The following MCC variants were observed in gnomAD, a reference collection of about 807,000 sequenced individuals.
MCC encodes colorectal mutant cancer protein.
In MCC, 90 loss-of-function variants were observed where a neutral mutation model predicts 116.2. The observed-to-expected ratio is 0.77, with a 90% CI of 0.65 to 0.92. MCC has a LOEUF of 0.92. MCC is among the 40% of genes least tolerant of loss of function. The pLI, the probability that MCC is intolerant of heterozygous loss-of-function variation, is 0.00. For missense variants in MCC, 1,516 were observed against 1,312.2 expected (o/e 1.16, Z -2.40); for synonymous variants, 578 against 510.5 (o/e 1.13, Z -1.78).
At chr5:113,487,507 G>A (rs1364314396) in intron 1 of MCC, among the ~76,000 whole-genome samples, 1 of 152,240 alleles carries the variant, frequency 6.6e-6, no homozygotes, top group Non-Finnish European at 1.5e-5. Flanking sequence ...CGCCTCTGTA[G>A]GAAGTGCGGG....
At chr5:113,261,956 TA>T (rs914706249) in intron 3 of MCC, among the ~76,000 whole-genome samples, 6 of 152,142 alleles carry the variant, frequency 3.9e-5, no homozygotes, top group East Asian at 3.9e-4. Flanking sequence ...ACATTATTAA[TA>T]AAAAAAATTC....
At chr5:113,188,455 G>T (rs1320449245) in intron 3 of MCC, among the ~76,000 whole-genome samples, 1 of 152,200 alleles carries the variant, frequency 6.6e-6, no homozygotes, top group Non-Finnish European at 1.5e-5. Context: ...GTGACTGCAG[G>T]GGTATGGCTG....
intron 2 of MCC, among the ~76,000 whole-genome samples, chr5:113,365,572 C>T (rs1463239461): frequency 2.6e-5 from 4 of 152,204 alleles, no homozygotes; most frequent in African/African-American, 7.2e-5. Context: ...GCTACTTCCA[C>T]ATTTTCAGGT....
intron 3 of MCC, among the ~76,000 whole-genome samples, chr5:113,156,693 A>T (rs1004864109): frequency 6.6e-6 from 1 of 152,108 alleles, no homozygotes; most frequent in African/African-American, 2.4e-5. Context: ...GATCTAGTGC[A>T]TGAAGGATAT....
chr5:113,115,236 C>G (rs560405618), intron 6 of MCC, among the ~76,000 whole-genome samples: 1 of 152,252 alleles, frequency 6.6e-6, no homozygotes, highest in African/African-American at 2.4e-5. Context: ...CCTGAGTAAG[C>G]GAGGCACCCC....
At chr5:113,294,883 C>G in intron 3 of MCC, 1 of 985,692 alleles carries the variant, frequency 1.0e-6, no homozygotes, top group African/African-American at 1.7e-5. Flanking sequence ...CTAGAGGGAG[C>G]CGGAGCGGAG....
At position 113,024,141 on chromosome 5, in the gene MCC, A is replaced by C. The variant is rs1349825023; in HGVS notation, c.*3161T>G. On this transcript the variant is annotated 3_prime_UTR_variant, in exon 19 of 19. Transcript: ENST00000408903. ...GAATGTCAAGGCTCTGACTTAGAAG[A>C]GGTCCCTCTAAAATATTGCTGCAGG... The C allele has an allele frequency of 6.6e-6, 1 of 151,758 alleles. No homozygotes were observed. The highest frequency in any genetic ancestry group is 1.5e-5 in the Non-Finnish European group (1 of 68,040). The allele number at this position is 151,758 out of a possible 1,614,324, so 9.4% of individuals were successfully genotyped here.
At chr5:113,431,457 G>A (rs1270866663) in intron 1 of MCC, among the ~76,000 whole-genome samples, 1 of 152,112 alleles carries the variant, frequency 6.6e-6, no homozygotes, top group Admixed American at 6.6e-5. Context: ...CCCTACTCCA[G>A]TATGATCTTA....
At chr5:113,365,225 AG>A (rs1448711335) in intron 2 of MCC, among the ~76,000 whole-genome samples, 1 of 152,202 alleles carries the variant, frequency 6.6e-6, no homozygotes, top group East Asian at 1.9e-4. Context: ...AGAAGCAACC[AG>A]GCCACATCTT....
At chr5:113,276,897 C>T (rs182504981) in intron 3 of MCC, among the ~76,000 whole-genome samples, 30 of 150,824 alleles carry the variant, frequency 2.0e-4, no homozygotes, top group Non-Finnish European at 3.4e-4. Flanking sequence ...CCTCAGGCTT[C>T]CAAATTGCTG....
chr5:113,339,596 T>G (rs1581411249), intron 3 of MCC, among the ~76,000 whole-genome samples: 1 of 152,218 alleles, frequency 6.6e-6, no homozygotes, highest in African/African-American at 2.4e-5. Flanking sequence ...TTGACAGTTT[T>G]GAGGAGTTTT....
intron 3 of MCC, among the ~76,000 whole-genome samples, chr5:113,181,438 A>G (rs1041600232): frequency 1.3e-5 from 2 of 152,234 alleles, no homozygotes; most frequent in Non-Finnish European, 2.9e-5. Flanking sequence ...ATAGAAGACA[A>G]CATGTTATGA....
chr5:113,130,702 G>A (rs1210063199), intron 5 of MCC, among the ~76,000 whole-genome samples: 1 of 152,034 alleles, frequency 6.6e-6, no homozygotes, highest in East Asian at 1.9e-4. Flanking sequence ...TGTTGAAAGA[G>A]CCTGGCACAT....
chr5:113,423,317 C>T (rs953114520), intron 1 of MCC, among the ~76,000 whole-genome samples: 1 of 152,164 alleles, frequency 6.6e-6, no homozygotes. Flanking sequence ...AGTGACAGTG[C>T]TGTTGGCCAT....
At chr5:113,098,378 G>A (rs528975120) in intron 8 of MCC, among the ~76,000 whole-genome samples, 10 of 152,112 alleles carry the variant, frequency 6.6e-5, no homozygotes, top group African/African-American at 1.2e-4. Flanking sequence ...TTGAAGCCAG[G>A]GACTGTGTCC....
intron 3 of MCC, among the ~76,000 whole-genome samples, chr5:113,237,956 AG>A (rs1764194572): frequency 6.6e-6 from 1 of 152,140 alleles, no homozygotes; most frequent in African/African-American, 2.4e-5. Flanking sequence ...GGAGCTGGGG[AG>A]GGAAAAAACT....
intron 3 of MCC, among the ~76,000 whole-genome samples, chr5:113,272,443 C>T (rs924559974): frequency 6.6e-6 from 1 of 152,198 alleles, no homozygotes; most frequent in African/African-American, 2.4e-5. Context: ...CTTTCCCTGA[C>T]AGATCTAAAT....
intron 1 of MCC, among the ~76,000 whole-genome samples, chr5:113,402,324 A>AT (rs1357161434): frequency 1.1e-4 from 16 of 149,892 alleles, no homozygotes; most frequent in African/African-American, 3.9e-4. Flanking sequence ...CACTCAGCTA[A>AT]TTTTTTTAAT....
intron 3 of MCC, among the ~76,000 whole-genome samples, chr5:113,161,658 G>A (rs1275460363): frequency 3.8e-5 from 2 of 51,984 alleles, no homozygotes; most frequent in Non-Finnish European, 1.0e-4. Context: ...GTGTGTGTGT[G>A]TGTGTGTGTG....
Sources: gnomAD v4.1 joint callset for allele counts (sites outside exome capture counted in the v4.1 genomes callset) on GRCh38, gnomAD v4.1.1 for gene constraint, MANE v1.5 for transcripts, NCBI Gene and HGNC (gene_info 2026-07-23, HGNC 2026-07-21) for gene names.